The following DDX4 variants were observed in gnomAD, a reference collection of about 807,000 sequenced individuals.
The protein encoded by DDX4 is probable ATP-dependent RNA helicase DDX4.
In DDX4, 25 loss-of-function variants were observed where a neutral mutation model predicts 100.0. That is an observed-to-expected ratio of 0.25 (90% CI 0.18 to 0.35). The LOEUF is 0.35. DDX4 is among the 10% of genes least tolerant of loss of function. The pLI, the probability that DDX4 is intolerant of heterozygous loss-of-function variation, is 1.00. For synonymous variants in DDX4, 259 were observed against 275.7 expected (o/e 0.94, Z 0.60); for missense variants, 635 against 882.4 (o/e 0.72, Z 3.55).
At chr5:55,774,238 A>G (rs1312346514) in intron 7 of DDX4, among the ~76,000 whole-genome samples, 1 of 151,500 alleles carries the variant, frequency 6.6e-6, no homozygotes, top group East Asian at 2.0e-4. Context: ...GACAGCTTCA[A>G]CTTCCTGGTC....
At chr5:55,801,230 T>C (rs1743280195) in intron 18 of DDX4, among the ~76,000 whole-genome samples, 1 of 151,768 alleles carries the variant, frequency 6.6e-6, no homozygotes, top group Non-Finnish European at 1.5e-5. Flanking sequence ...TTTTTTTTTT[T>C]TTTGCGATTA....
chr5:55,757,801 T>C (rs529377921), intron 3 of DDX4, among the ~76,000 whole-genome samples: 1 of 152,250 alleles, frequency 6.6e-6, no homozygotes, highest in East Asian at 1.9e-4. Flanking sequence ...CCCAGCACTA[T>C]GGGAGGCTGA....
rs193142866 is a variant in DDX4, at chr5:55,753,276, A to G, written c.128-6924A>G. On this transcript the variant is annotated intron_variant, in intron 3 of 21. Transcript: ENST00000505374. ...CTATGTCCTGAATGGTAATGCCTAG[A>G]TTTTCTTCTAGGGTTTTTATGGTTT... Among the ~76,000 whole-genome samples the G allele has an allele frequency of 1.2e-3, 186 of 152,004 alleles. 1 individual carries two copies. The highest frequency in any genetic ancestry group is 3.7e-3 in the African/African-American group (152 of 41,474).
At chr5:55,807,424 T>G (rs1326061952) in intron 18 of DDX4, among the ~76,000 whole-genome samples, 1 of 152,252 alleles carries the variant, frequency 6.6e-6, no homozygotes, top group Non-Finnish European at 1.5e-5. Flanking sequence ...GCCTTGATGG[T>G]CTTTACAATT....
intron 6 of DDX4, among the ~76,000 whole-genome samples, chr5:55,765,395 TAAAAAA>T (rs57279452): frequency 5.7e-5 from 5 of 87,602 alleles, no homozygotes; most frequent in Non-Finnish European, 6.4e-5. Context: ...TTAGTTCCCC[TAAAAAA>T]AAAAAAAAAA....
chr5:55,786,445 G>C lies in DDX4; in HGVS notation c.865-73G>C, dbSNP rs985097348. On this transcript the variant is annotated intron_variant, in intron 13 of 21. Transcript: ENST00000505374. ...ATTAACAGAACTTGGAAAGTAGCTC[G>C]AATGAAATATGCTTATAAATGATCT... 3.3e-6 allele frequency: 4 copies of C among 1,227,450 alleles called. No homozygotes were observed. The South Asian group carries it at 4.8e-5, about 15-fold the overall frequency. 76.0% of individuals were successfully genotyped at this position (1,227,450 alleles called of 1,614,324 possible).
At chr5:55,808,314 A>G (rs1743881635) in intron 18 of DDX4, among the ~76,000 whole-genome samples, 2 of 151,700 alleles carry the variant, frequency 1.3e-5, no homozygotes, top group South Asian at 2.1e-4. Context: ...TCTTCTCTCA[A>G]CTCGTCAAAG....
chr5:55,792,700 G>A lies in DDX4; in HGVS notation c.1362G>A (p.Met454Ile), dbSNP rs1318568990. 5 of 1,602,592 alleles carry A rather than the reference G, an allele frequency of 3.1e-6. No homozygotes were observed. Among genetic ancestry groups the A allele is most frequent in the Non-Finnish European group, 4.3e-6 (5 of 1,173,046 alleles). ...ATGAAGCTGATCGCATGTTGGATAT[G>A]GGTTTTGGTCCAGAAATGAAGAAGT... is the stretch of plus-strand genomic sequence containing the variant. Reference protein sequence around the residue: ...VLDEADRMLDMGFGPEMKKLI... With the variant: ...VLDEADRMLDIGFGPEMKKLI... The change falls in exon 17 of 22, where the codon ATG (methionine) becomes ATA (isoleucine). Residue 454 changes from methionine (M) to isoleucine (I), a missense_variant. Around this residue, in one of 4 missense-constraint regions of DDX4, gnomAD observed 115 missense variants for 224.7 expected, o/e 0.51. Coordinates refer to ENST00000505374, the MANE Select transcript of DDX4 (RefSeq NM_024415.3).
chr5:55,789,868 T>C (rs1232821490), intron 15 of DDX4, among the ~76,000 whole-genome samples: 1 of 152,168 alleles, frequency 6.6e-6, no homozygotes, highest in East Asian at 1.9e-4. Context: ...AATTTGTATA[T>C]GTATGTTAAA....
intron 4 of DDX4, among the ~76,000 whole-genome samples, chr5:55,761,269 C>T (rs1450567480): frequency 6.6e-6 from 1 of 151,986 alleles, no homozygotes; most frequent in Non-Finnish European, 1.5e-5. Flanking sequence ...TTGTTAGCTA[C>T]TATTAAAATT....
In DDX4 at chr5:55,809,138, G is replaced by T. The variant is rs1743951617; in HGVS notation, c.1616-4535G>T. On this transcript the variant is annotated intron_variant, in intron 18 of 21. Transcript: ENST00000505374. ...GCCAGGTGTGGGATATAATCTCCTG[G>T]TGTGCCCTTTGCTAAGACCATTGGA... Among the ~76,000 whole-genome samples the T allele has an allele frequency of 2.0e-5, 3 of 152,230 alleles. No individual in the cohort carries two copies. In the South Asian group the frequency reaches 6.2e-4, roughly 31 times the overall value.
In DDX4 at chr5:55,815,559, T is replaced by G. The variant is rs1744349682; in HGVS notation, c.2097+136T>G. 2.4e-6 allele frequency: 3 copies of G among 1,239,550 alleles called. No individual in the cohort carries two copies. In the African/African-American group the frequency reaches 4.6e-5, roughly 19 times the overall value. The allele number at this position is 1,239,550 out of a possible 1,614,324, so 76.8% of individuals were successfully genotyped here. On this transcript the variant is annotated intron_variant, in intron 21 of 21. Coordinates refer to ENST00000505374, the MANE Select transcript of DDX4 (RefSeq NM_024415.3). Reference sequence around the variant, plus strand: ...GCCTGGAAGGTAGCTACTTTATTATTTCATTAACATTTTATGTATATACAT... The same window carrying G: ...GCCTGGAAGGTAGCTACTTTATTATGTCATTAACATTTTATGTATATACAT...
intron 17 of DDX4, among the ~76,000 whole-genome samples, chr5:55,796,733 C>T (rs145422965): frequency 8.6e-5 from 13 of 151,514 alleles, no homozygotes; most frequent in African/African-American, 3.1e-4. Flanking sequence ...AATGCCTTTC[C>T]ACAATCATTA....
Position 55,792,807 on chromosome 5 carries a change from GGTTAA to G in DDX4, c.1469+4_1469+8del. The stretch of plus-strand genomic sequence containing the variant: ...GCAACTTTTCCAGAGGAAATTCAAA[GGTTAA>G]GTTTTTTTCTTAAAAATAATTTAAT... On this transcript the variant is annotated splice_donor_variant and splice_donor_5th_base_variant and intron_variant, in intron 17 of 21. Coordinates refer to ENST00000505374, the MANE Select transcript of DDX4 (RefSeq NM_024415.3). LOFTEE classifies it high-confidence loss of function. 2.2e-6 allele frequency: 3 copies of G among 1,392,092 alleles called. No homozygotes were observed. Among genetic ancestry groups the G allele is most frequent in the Non-Finnish European group, 1.9e-6 (2 of 1,068,102 alleles). 86.2% of individuals were successfully genotyped at this position (1,392,092 alleles called of 1,614,324 possible).
chr5:55,789,249 C>T (rs1742412806), intron 15 of DDX4, among the ~76,000 whole-genome samples: 1 of 152,158 alleles, frequency 6.6e-6, no homozygotes, highest in Non-Finnish European at 1.5e-5. Context: ...CTAACAAACT[C>T]CCTTAAAACA....
At chr5:55,753,647 C>T (rs1474054851) in intron 3 of DDX4, among the ~76,000 whole-genome samples, 13 of 148,404 alleles carry the variant, frequency 8.8e-5, no homozygotes, top group East Asian at 4.0e-4. Flanking sequence ...ATTGACTTGG[C>T]GATGCGGGCT....
intron 16 of DDX4, among the ~76,000 whole-genome samples, chr5:55,792,212 T>A (rs908934641): frequency 6.6e-6 from 1 of 151,752 alleles, no homozygotes; most frequent in African/African-American, 2.4e-5. Context: ...ATCTAGACAT[T>A]TGGTTTCTTT....
chr5:55,806,739 T>G, intron 18 of DDX4, among the ~76,000 whole-genome samples: 1 of 152,252 alleles, frequency 6.6e-6, no homozygotes, highest in East Asian at 1.9e-4. Flanking sequence ...AGTGCTTTAC[T>G]TCCAACTATG....
At chr5:55,779,879 C>A in intron 7 of DDX4, 85 bp from the exon 8 acceptor site, 1 of 1,514,988 alleles carries the variant, frequency 6.6e-7, no homozygotes, top group South Asian at 1.3e-5. Context: ...CTGAATTATT[C>A]AAGGCTTAAA....
Sources: allele counts gnomAD v4.1 joint callset (sites outside exome capture counted in the v4.1 genomes callset), GRCh38; gene constraint gnomAD v4.1.1; regional missense constraint gnomAD v4.1.1; transcripts MANE v1.5; gene names NCBI Gene and HGNC (gene_info 2026-07-23, HGNC 2026-07-21).